Variants in MTREX observed in about 807,000 individuals in gnomAD.
The protein encoded by MTREX is exosome RNA helicase MTR4.
A neutral mutation model predicts 135.4 loss-of-function variants in MTREX; 76 were observed. The ratio of observed to expected loss-of-function variants is 0.56; its 90% CI spans 0.47 to 0.68. MTREX has a LOEUF of 0.68. MTREX is among the 30% of genes least tolerant of loss of function. The pLI is 0.00. For missense variants in MTREX, 920 were observed against 1,262.1 expected, an observed-to-expected ratio of 0.73 and a Z score of 4.11; for synonymous variants, 404 against 401.6, an observed-to-expected ratio of 1.01 and a Z score of -0.07.
At chr5:55,327,392 G>T in intron 3 of MTREX, 1 of 201,976 alleles carries the variant, frequency 5.0e-6, no homozygotes. Context: ...GTTCTATGTT[G>T]TTTTCTACCC....
At chr5:55,418,511 A>G (rs1751007336) in intron 25 of MTREX, among the ~76,000 whole-genome samples, 1 of 149,642 alleles carries the variant, frequency 6.7e-6, no homozygotes, top group African/African-American at 2.5e-5. Flanking sequence ...GTCCTCTTTC[A>G]GTTACTCAGG....
chr5:55,349,448 C>G lies in MTREX; in HGVS notation c.1241-125C>G, dbSNP rs1043998487. 3 of 621,528 alleles carry G rather than the reference C, an allele frequency of 4.8e-6. No individual in the cohort carries two copies. The African/African-American group carries it at 5.7e-5, about 12-fold the overall frequency. 38.5% of individuals were successfully genotyped at this position (621,528 alleles called of 1,614,324 possible). A position where few individuals can be genotyped will look rare whatever the true frequency, so the allele number is the denominator to read the frequency against. Reference sequence around the variant, plus strand: ...AAGCCAGCCACCTGCCTCAGCCTCCCTAAGTGCTAGGATTACAAGCTTGGG... The same window carrying G: ...AAGCCAGCCACCTGCCTCAGCCTCCGTAAGTGCTAGGATTACAAGCTTGGG... On this transcript the variant is annotated intron_variant, in intron 11 of 26. Coordinates refer to ENST00000230640, the MANE Select transcript of MTREX (RefSeq NM_015360.5).
At chr5:55,419,292 T>C (rs1416932663) in intron 25 of MTREX, among the ~76,000 whole-genome samples, 2 of 152,250 alleles carry the variant, frequency 1.3e-5, no homozygotes, top group Non-Finnish European at 2.9e-5. Flanking sequence ...AGATTCTTAA[T>C]TTTCTTTTCA....
At chr5:55,424,119 T>C (rs1347267329) in intron 26 of MTREX, 1 of 152,068 alleles carries the variant, frequency 6.6e-6, no homozygotes, top group African/African-American at 2.4e-5. Flanking sequence ...CCCTATAATT[T>C]TTTTTATTTT....
At chr5:55,411,530 G>A (rs532799651) in intron 23 of MTREX, among the ~76,000 whole-genome samples, 79 of 151,714 alleles carry the variant, frequency 5.2e-4, no homozygotes, top group Non-Finnish European at 1.0e-3. Flanking sequence ...CACTTAATTG[G>A]TCTGTTTACC....
At chr5:55,374,976 G>A (rs1360468889) in intron 16 of MTREX, among the ~76,000 whole-genome samples, 4 of 152,244 alleles carry the variant, frequency 2.6e-5, no homozygotes, top group East Asian at 1.9e-4. Flanking sequence ...ATCACATGTC[G>A]GTAGGTTCCG....
intron 25 of MTREX, among the ~76,000 whole-genome samples, chr5:55,416,831 A>G (rs2111624400): frequency 6.6e-6 from 1 of 152,312 alleles, no homozygotes; most frequent in Middle Eastern, 3.4e-3. Context: ...ATGAAAATAA[A>G]TGAGTTTGTT....
At position 55,350,411 on chromosome 5, in the gene MTREX, G is replaced by A. The variant is rs1330517291; in HGVS notation, c.1321-508G>A. The stretch of plus-strand genomic sequence containing the variant: ...CCTGGCTGAATTATTAGTATCTAAG[G>A]GCTGAGCCATGTTTTTATACATCTT... On this transcript the variant is annotated intron_variant, in intron 12 of 26. Transcript: ENST00000230640. 2.0e-5 allele frequency among the ~76,000 whole-genome samples: 3 copies of A among 152,134 alleles called. No individual in the cohort carries two copies. The East Asian group carries it at 5.8e-4, about 29-fold the overall frequency.
chr5:55,352,145 A>T (rs188560834), intron 13 of MTREX, among the ~76,000 whole-genome samples: 58 of 152,188 alleles, frequency 3.8e-4, no homozygotes, highest in African/African-American at 1.3e-3. Flanking sequence ...TCAGCCTCCC[A>T]AAGTGCTGGG....
chr5:55,421,233 G>A (rs1455871120), intron 25 of MTREX, among the ~76,000 whole-genome samples: 2 of 152,218 alleles, frequency 1.3e-5, no homozygotes, highest in African/African-American at 4.8e-5. Context: ...ACAGAGAACT[G>A]TAGTAGGTAG....
At position 55,378,396 on chromosome 5, in the gene MTREX, G is replaced by T. The variant is rs1310760900; in HGVS notation, c.1893G>T (p.Gln631His). The change falls in exon 17 of 27, where the codon CAG becomes CAT. Residue 631 changes from glutamine to histidine, a missense_variant. Gln to His is a conservative substitution (Grantham distance 24). Transcript: ENST00000230640. ...ESVVIYYKIR[Q>H]QLAKLGKEIE... The stretch of plus-strand genomic sequence containing the variant: ...TGGTTATCTATTATAAGATTAGACA[G>T]CAGCTTGCCAAATTGGGTAAAGAAA... The T allele has an allele frequency of 6.2e-7, 1 of 1,612,502 alleles. No homozygotes were observed. Among genetic ancestry groups the T allele is most frequent in the Non-Finnish European group, 8.5e-7 (1 of 1,179,518 alleles).
intron 26 of MTREX, 108 bp from the exon 27 acceptor site, chr5:55,424,612 C>A: frequency 1.4e-6 from 1 of 718,124 alleles, no homozygotes; most frequent in Non-Finnish European, 2.5e-6. Context: ...CTAGGCTGCT[C>A]GCTTACCAGT....
Position 55,372,892 on chromosome 5 carries a change from A to ATGTGTGTG in MTREX, c.1811-5378_1811-5371dup, listed in dbSNP as rs59026723. 4.9e-3 allele frequency among the ~76,000 whole-genome samples: 588 copies of ATGTGTGTG among 120,968 alleles called. 2 individuals carry two copies. The highest frequency in any genetic ancestry group is 8.2e-3 in the Admixed American group (96 of 11,730). 79.4% of individuals were successfully genotyped at this position (120,968 alleles called of 152,430 possible). ...GATTTTACCAAAATTTAAAACTGTA[A>ATGTGTGTG]TGTGTGTGTGTGTGTGTGTGTGTGT... On this transcript the variant is annotated intron_variant, in intron 16 of 26. Coordinates refer to ENST00000230640, the MANE Select transcript of MTREX (RefSeq NM_015360.5).
In MTREX at chr5:55,420,507, G is replaced by A. The variant is rs560965035; in HGVS notation, c.2972-2371G>A. 1.6e-4 allele frequency among the ~76,000 whole-genome samples: 25 copies of A among 152,322 alleles called. No homozygotes were observed. The East Asian group carries it at 2.9e-3, about 18-fold the overall frequency. On this transcript the variant is annotated intron_variant, in intron 25 of 26. Coordinates refer to ENST00000230640, the MANE Select transcript of MTREX (RefSeq NM_015360.5). ...ATTTTTAATGGCAAGGTGTTCCATT[G>A]TAATAAAGATTAAATGGAACAGCTT... is the stretch of plus-strand genomic sequence containing the variant.
chr5:55,318,563 A>T (rs1182641174), intron 1 of MTREX, among the ~76,000 whole-genome samples: 1 of 152,204 alleles, frequency 6.6e-6, no homozygotes, highest in African/African-American at 2.4e-5. Context: ...AATGGGAGCT[A>T]AAAGATAACT....
At chr5:55,413,225 T>C (rs974225787) in intron 23 of MTREX, among the ~76,000 whole-genome samples, 4 of 151,210 alleles carry the variant, frequency 2.6e-5, no homozygotes, top group African/African-American at 9.7e-5. Flanking sequence ...TAATCCCAGC[T>C]ACTCAGGAGG....
intron 13 of MTREX, among the ~76,000 whole-genome samples, chr5:55,351,671 A>G (rs1749830595): frequency 6.6e-6 from 1 of 152,228 alleles, no homozygotes; most frequent in Admixed American, 6.5e-5. Flanking sequence ...AGAGAAGACA[A>G]GGAAATTGCT....
chr5:55,354,427 A>G (rs955899273), intron 14 of MTREX, among the ~76,000 whole-genome samples: 1 of 152,236 alleles, frequency 6.6e-6, no homozygotes, highest in Admixed American at 6.5e-5. Context: ...TTTGGGGAAA[A>G]TAGTCCTTTA....
intron 1 of MTREX, among the ~76,000 whole-genome samples, chr5:55,318,279 A>G (rs1749231385): frequency 6.6e-6 from 1 of 152,192 alleles, no homozygotes. Flanking sequence ...GTATATACCC[A>G]CAGGAATATA....
Sources: allele counts gnomAD v4.1 joint callset (sites outside exome capture counted in the v4.1 genomes callset), GRCh38; gene constraint gnomAD v4.1.1; transcripts MANE v1.5; gene names NCBI Gene and HGNC (gene_info 2026-07-23, HGNC 2026-07-21).